PLXDC1: variants seen among roughly 807,000 people sequenced by gnomAD.
The protein encoded by PLXDC1 is plexin domain-containing protein 1.
PLXDC1 carries 39 observed loss-of-function variants against 61.3 expected under a neutral mutation model. The observed-to-expected ratio is 0.64, with a 90% CI of 0.49 to 0.83. The LOEUF (loss-of-function observed/expected upper bound fraction) is 0.83. Ranked by LOEUF, PLXDC1 falls within the 40% of genes least tolerant of loss-of-function variation. PLXDC1 has a pLI of 0.00. For synonymous variants in PLXDC1, 212 were observed against 254.5 expected, an observed-to-expected ratio of 0.83 and a Z score of 1.59; for missense variants, 596 against 666.5, an observed-to-expected ratio of 0.89 and a Z score of 1.17.
intron 8 of PLXDC1, 109 bp from the exon 9 acceptor site, chr17:39,083,649 AG>A: frequency 1.2e-6 from 1 of 843,838 alleles, no homozygotes; most frequent in Non-Finnish European, 2.0e-6. Context: ...CCTGACTTTG[AG>A]GAGACCTTTA....
intron 2 of PLXDC1, among the ~76,000 whole-genome samples, chr17:39,128,089 C>CATATATATGTGTGTATATATATGTATA: frequency 1.5e-5 from 1 of 68,806 alleles, no homozygotes; most frequent in South Asian, 5.0e-4. Context: ...CTCTCTCTCT[C>CATATATATGTGTGTATATATATGTATA]TCTATGTGTA....
At chr17:39,128,117 A>ATATATATATATATATATTTATG (rs1419979117) in intron 2 of PLXDC1, among the ~76,000 whole-genome samples, 3 of 96,422 alleles carry the variant, frequency 3.1e-5, no homozygotes, top group Non-Finnish European at 1.9e-5. Flanking sequence ...ATATATATGT[A>ATATATATATATATATATTTATG]TATATATATG....
chr17:39,086,686 A>G (rs148023079), intron 8 of PLXDC1, among the ~76,000 whole-genome samples: 147 of 151,832 alleles, frequency 9.7e-4, no homozygotes, highest in African/African-American at 3.5e-3. Flanking sequence ...ACAGAGTGAA[A>G]CCCTATTTCT....
At chr17:39,090,490 C>T (rs1270936110) in intron 7 of PLXDC1, among the ~76,000 whole-genome samples, 2 of 152,180 alleles carry the variant, frequency 1.3e-5, no homozygotes, top group Non-Finnish European at 2.9e-5. Context: ...GAAGCTCGGC[C>T]CCCGGAGGGT....
chr17:39,090,114 A>T (rs549979793), intron 7 of PLXDC1, among the ~76,000 whole-genome samples: 1 of 152,028 alleles, frequency 6.6e-6, no homozygotes, highest in East Asian at 1.9e-4. Context: ...CTCATTATTT[A>T]TTTATCCTTA....
At chr17:39,112,457 C>CTTTTTTTTTTTTTTTT (rs11448360) in intron 2 of PLXDC1, among the ~76,000 whole-genome samples, 2 of 121,112 alleles carry the variant, frequency 1.7e-5, no homozygotes, top group African/African-American at 3.1e-5. Flanking sequence ...TTTTTTCTTT[C>CTTTTTTTTTTTTTTTT]TTTTTTTTTT....
chr17:39,118,468 T>C (rs1480404622), intron 2 of PLXDC1, among the ~76,000 whole-genome samples: 1 of 152,168 alleles, frequency 6.6e-6, no homozygotes, highest in Non-Finnish European at 1.5e-5. Context: ...TCTCCCAAAG[T>C]GCTGGGATTA....
At position 39,128,097 on chromosome 17, in the gene PLXDC1, G is replaced by GTATATATATATATA. The variant is rs1419922925; in HGVS notation, c.255+11543_255+11556dup. On this transcript the variant is annotated intron_variant, in intron 2 of 13. Transcript: ENST00000315392. Reference sequence around the variant, plus strand: ...TCTCTCTCTCTCTCTCTCTCTATGTGTATATATATATATATATGTATATAT... The same window carrying GTATATATATATATA: ...TCTCTCTCTCTCTCTCTCTCTATGTGTATATATATATATATATATATATATATATATGTATATAT... Among the ~76,000 whole-genome samples the GTATATATATATATA allele has an allele frequency of 1.8e-3, 124 of 67,496 alleles. 11 individuals carry two copies. Among genetic ancestry groups the GTATATATATATATA allele is most frequent in the East Asian group, 0.012 (24 of 1,938 alleles). 44.3% of individuals were successfully genotyped at this position (67,496 alleles called of 152,430 possible).
chr17:39,093,188 C>G (rs896774661), intron 7 of PLXDC1, among the ~76,000 whole-genome samples: 1 of 152,146 alleles, frequency 6.6e-6, no homozygotes, highest in African/African-American at 2.4e-5. Flanking sequence ...CCACTTCAGT[C>G]CCTGCCCCCA....
In PLXDC1 at chr17:39,070,525, A is replaced by G. The variant is rs185569742; in HGVS notation, c.1223-509T>C. 7.8e-3 allele frequency: 1,195 copies of G among 152,976 alleles called. 9 individuals carry two copies. Among genetic ancestry groups the G allele is most frequent in the Non-Finnish European group, 0.01 (690 of 68,522 alleles). The allele number at this position is 152,976 out of a possible 1,614,324, so 9.5% of individuals were successfully genotyped here. A position where few individuals can be genotyped will look rare whatever the true frequency, so the allele number is the denominator to read the frequency against. Reference sequence around the variant, plus strand: ...TAAAATTAGATGATCCATGTCAAGCACTGAGGACCATGTCTCCCATTTTGG... The same window carrying G: ...TAAAATTAGATGATCCATGTCAAGCGCTGAGGACCATGTCTCCCATTTTGG... On this transcript the variant is annotated intron_variant, in intron 12 of 13. Transcript: ENST00000315392.
At chr17:39,142,073 C>T (rs996181292) in intron 1 of PLXDC1, among the ~76,000 whole-genome samples, 2 of 152,066 alleles carry the variant, frequency 1.3e-5, no homozygotes, top group East Asian at 1.9e-4. Flanking sequence ...GTTTAGCAGC[C>T]GCAGCCTTGG....
chr17:39,128,131 A>G (rs1336938888), intron 2 of PLXDC1, among the ~76,000 whole-genome samples: 17 of 107,838 alleles, frequency 1.6e-4, no homozygotes, highest in African/African-American at 5.7e-4. Flanking sequence ...ATATATGTGT[A>G]TATATATGTA....
chr17:39,106,929 G>A (rs1910615824), intron 6 of PLXDC1, among the ~76,000 whole-genome samples: 2 of 151,920 alleles, frequency 1.3e-5, no homozygotes, highest in South Asian at 2.1e-4. Flanking sequence ...TGGGTTTGCA[G>A]GTGTGAGCCA....
At chr17:39,142,190 AC>A (rs1381079647) in intron 1 of PLXDC1, among the ~76,000 whole-genome samples, 3 of 151,410 alleles carry the variant, frequency 2.0e-5, no homozygotes, top group African/African-American at 7.3e-5. Context: ...AATAAAATTA[AC>A]CCCCCCTTGC....
chr17:39,100,316 T>A (rs1371282662), intron 7 of PLXDC1, among the ~76,000 whole-genome samples: 1 of 152,108 alleles, frequency 6.6e-6, no homozygotes, highest in African/African-American at 2.4e-5. Flanking sequence ...AGTGAGGTGG[T>A]GCGATCTCAG....
chr17:39,108,487 A>C (rs1317787889), intron 4 of PLXDC1: 1 of 564,038 alleles, frequency 1.8e-6, no homozygotes, highest in Non-Finnish European at 3.2e-6. Context: ...AGGGGGCAGG[A>C]AGAGGAGAGG....
chr17:39,119,879 C>A lies in PLXDC1; in HGVS notation c.256-10488G>T, dbSNP rs59525621. ...TAAACTAAAAATAAAATCCTAAGTC[C>A]CCCAACCAACTGAATGGACCCCCTC... is the stretch of plus-strand genomic sequence containing the variant. On this transcript the variant is annotated intron_variant, in intron 2 of 13. Coordinates refer to ENST00000315392, the MANE Select transcript of PLXDC1 (RefSeq NM_020405.5). 3.5e-3 allele frequency among the ~76,000 whole-genome samples: 534 copies of A among 151,848 alleles called. 2 individuals are homozygous for A. Among genetic ancestry groups the A allele is most frequent in the African/African-American group, 0.013 (520 of 41,384 alleles).
In PLXDC1 at chr17:39,068,670, G is replaced by A. The variant is rs1487962932; in HGVS notation, c.1384-711C>T. ...CCAGCCTAGGCGACAGAGTGAGACT[G>A]TCTCGAAATAAATAAAATGCAGATT... On this transcript the variant is annotated intron_variant, in intron 13 of 13. Coordinates refer to ENST00000315392, the MANE Select transcript of PLXDC1 (RefSeq NM_020405.5). Among the ~76,000 whole-genome samples the A allele has an allele frequency of 2.0e-5, 3 of 152,150 alleles. No homozygotes were observed. In the East Asian group the frequency reaches 5.8e-4, roughly 29 times the overall value.
At chr17:39,075,636 C>T (rs1045905811) in intron 11 of PLXDC1, among the ~76,000 whole-genome samples, 3 of 152,158 alleles carry the variant, frequency 2.0e-5, no homozygotes, top group African/African-American at 2.4e-5. Flanking sequence ...TTAATTTATG[C>T]GCTACTTTAG....
Sources: gnomAD v4.1 joint callset for allele counts (sites outside exome capture counted in the v4.1 genomes callset) on GRCh38, gnomAD v4.1.1 for gene constraint, MANE v1.5 for transcripts, NCBI Gene and HGNC (gene_info 2026-07-23, HGNC 2026-07-21) for gene names.